The following TJP2 variants were observed in gnomAD, a reference collection of about 807,000 sequenced individuals.
The protein encoded by TJP2 is tight junction protein 2.
A neutral mutation model predicts 133.1 loss-of-function variants in TJP2; 91 were observed. The observed-to-expected ratio is 0.68, with a 90% CI of 0.58 to 0.81. The LOEUF (loss-of-function observed/expected upper bound fraction) is 0.81. TJP2 is among the 40% of genes least tolerant of loss of function. TJP2 has a pLI of 0.00. For synonymous variants in TJP2, 592 were observed against 583.4 expected, an observed-to-expected ratio of 1.01 and a Z score of -0.21; for missense variants, 1,541 against 1,565.6, an observed-to-expected ratio of 0.98 and a Z score of 0.26.
chr9:69,244,963 C>G (rs993208857), intron 17 of TJP2, among the ~76,000 whole-genome samples: 1 of 152,174 alleles, frequency 6.6e-6, no homozygotes, highest in Admixed American at 6.5e-5. Context: ...TCTCAGACAG[C>G]TGCAACATAA....
At chr9:69,245,456 G>C (rs939979229) in intron 17 of TJP2, among the ~76,000 whole-genome samples, 1 of 152,186 alleles carries the variant, frequency 6.6e-6, no homozygotes, top group Non-Finnish European at 1.5e-5. Flanking sequence ...TAACTTGCTT[G>C]TCTAATTTAT....
At position 69,221,181 on chromosome 9, in the gene TJP2, C is replaced by T. The variant is rs1021859282; in HGVS notation, c.637C>T (p.Arg213Ter). 8 of 1,598,846 alleles carry T rather than the reference C, an allele frequency of 5.0e-6. No individual in the cohort carries two copies. The highest frequency in any genetic ancestry group is 2.3e-5 in the East Asian group (1 of 44,158). ...RGLDQDHARTRDRSRGRSLER... is the reference protein window; with the variant it reads ...RGLDQDHART Reference sequence around the variant, plus strand: ...CCTGGACCAAGACCATGCGCGCACCCGAGACCGCAGCCGTGGCCGGAGCCT... The same window carrying T: ...CCTGGACCAAGACCATGCGCGCACCTGAGACCGCAGCCGTGGCCGGAGCCT... The change falls in exon 5 of 23, where the codon CGA becomes TGA. Residue 213 changes from arginine (R) to a stop codon, truncating the protein, a stop_gained. Coordinates refer to ENST00000377245, the MANE Select transcript of TJP2 (RefSeq NM_004817.4). LOFTEE classifies it high-confidence loss of function.
At chr9:69,173,976 TG>T (rs1264801186), upstream of TJP2, 26 of 984,806 alleles carry the variant, frequency 2.6e-5, no homozygotes, top group Non-Finnish European at 3.0e-5. Context: ...GGTGCAGGCG[TG>T]GGGGCTGCGG....
chr9:69,253,611 T>C (rs1393726763), intron 22 of TJP2: 4 of 168,896 alleles, frequency 2.4e-5, no homozygotes, highest in African/African-American at 7.2e-5. Flanking sequence ...TGCCACCATA[T>C]CCAGCTAGTT....
At chr9:69,167,472 T>C (rs367891521) in intron 2 of TJP2, among the ~76,000 whole-genome samples, 8 of 152,328 alleles carry the variant, frequency 5.3e-5, no homozygotes, top group Non-Finnish European at 1.0e-4. Flanking sequence ...AACTCAGTGG[T>C]CTAAAAAATT....
chr9:69,194,014 G>C (rs1384152933), intron 1 of TJP2, among the ~76,000 whole-genome samples: 2 of 152,110 alleles, frequency 1.3e-5, no homozygotes, highest in African/African-American at 2.4e-5. Flanking sequence ...ACCATAAATT[G>C]TAAGATTTTT....
At chr9:69,180,176 C>T (rs1362085985) in intron 1 of TJP2, among the ~76,000 whole-genome samples, 1 of 151,902 alleles carries the variant, frequency 6.6e-6, no homozygotes, top group Non-Finnish European at 1.5e-5. Flanking sequence ...GTTTGTAACC[C>T]ATTGTGGGAG....
chr9:69,206,003 A>G (rs1200496584), intron 1 of TJP2, among the ~76,000 whole-genome samples: 7 of 152,214 alleles, frequency 4.6e-5, no homozygotes, highest in African/African-American at 9.7e-5. Flanking sequence ...AAAAAACACA[A>G]TAAGTAACTA....
chr9:69,204,875 A>G, intron 1 of TJP2: 1 of 1,183,742 alleles, frequency 8.4e-7, no homozygotes, highest in East Asian at 4.2e-5. Context: ...CTTAAAAGAA[A>G]TATCTACTCG....
At chr9:69,168,874 G>A (rs1311836687) in intron 2 of TJP2, among the ~76,000 whole-genome samples, 1 of 152,044 alleles carries the variant, frequency 6.6e-6, no homozygotes, top group Non-Finnish European at 1.5e-5. Context: ...GAAGCAGAAC[G>A]TTAGATGCCG....
At chr9:69,189,264 A>G (rs1423850086) in intron 1 of TJP2, among the ~76,000 whole-genome samples, 7 of 152,160 alleles carry the variant, frequency 4.6e-5, no homozygotes, top group Non-Finnish European at 1.0e-4. Context: ...AACCAGCCCA[A>G]GGGGTGGAAA....
intron 11 of TJP2, among the ~76,000 whole-genome samples, chr9:69,231,577 C>T (rs574314356): frequency 6.6e-6 from 1 of 152,226 alleles, no homozygotes; most frequent in South Asian, 2.1e-4. Context: ...CTCAAGGAAG[C>T]AAGCAGCAGC....
chr9:69,129,045 G>C (rs888031111), intron 1 of TJP2, among the ~76,000 whole-genome samples: 1 of 152,222 alleles, frequency 6.6e-6, no homozygotes, highest in African/African-American at 2.4e-5. Flanking sequence ...TTTGAATGAA[G>C]AATTAATGAA....
rs3831304 is a variant in TJP2, at chr9:69,253,104, ACT to A, written c.3407+207_3407+208del. The A allele has an allele frequency of 1.5e-5, 9 of 601,718 alleles. No homozygotes were observed. In the East Asian group the frequency reaches 2.6e-4, roughly 17 times the overall value. The allele number at this position is 601,718 out of a possible 1,614,324, so 37.3% of individuals were successfully genotyped here. On this transcript the variant is annotated intron_variant, in intron 22 of 22. Coordinates refer to ENST00000377245, the MANE Select transcript of TJP2 (RefSeq NM_004817.4). ...AAGCATAGTTTGCTTGTGTGCTAAA[ACT>A]CTGACAAAGTGTAATCATTGATGTT...
chr9:69,253,020 G>T (rs1255016376), intron 22 of TJP2, 120 bp downstream of exon 22: 2 of 865,934 alleles, frequency 2.3e-6, no homozygotes, highest in Non-Finnish European at 3.7e-6. Context: ...CCCACAGATT[G>T]ACTGTTTGCC....
intron 1 of TJP2, among the ~76,000 whole-genome samples, chr9:69,145,318 A>G (rs145612063): frequency 1.4e-3 from 220 of 152,268 alleles, no homozygotes; most frequent in South Asian, 4.6e-3. Context: ...GGCTTTTTGG[A>G]CCAATTATTA....
chr9:69,137,295 C>CTTTTCTTTTCT (rs1554768454), intron 1 of TJP2, among the ~76,000 whole-genome samples: 12 of 69,448 alleles, frequency 1.7e-4, no homozygotes, highest in East Asian at 1.5e-3. Flanking sequence ...TTCTTTCTTT[C>CTTTTCTTTTCT]TTTCTTTTCT....
At position 69,242,121 on chromosome 9, in the gene TJP2, C is replaced by T. The variant is rs973902142; in HGVS notation, c.2566+1974C>T. 5.3e-5 allele frequency among the ~76,000 whole-genome samples: 8 copies of T among 152,126 alleles called. No homozygotes were observed. The South Asian group carries it at 1.7e-3, about 32-fold the overall frequency. On this transcript the variant is annotated intron_variant, in intron 17 of 22. Transcript: ENST00000377245. ...AAGAACTAGGCTGAAGGCGGCTGGA[C>T]GAGGAGAGCAGGGCAGAAGAAGGCA...
chr9:69,176,052 C>A (rs1416739), intron 1 of TJP2, among the ~76,000 whole-genome samples: 63,246 of 151,960 alleles, frequency 0.42, 13,488 homozygotes, highest in East Asian at 0.63. Flanking sequence ...ACTCTGCAAT[C>A]TGTGTCGGGA....
Sources: gnomAD v4.1 joint callset for allele counts (sites outside exome capture counted in the v4.1 genomes callset) on GRCh38, gnomAD v4.1.1 for gene constraint, MANE v1.5 for transcripts, NCBI Gene and HGNC (gene_info 2026-07-23, HGNC 2026-07-21) for gene names.